MRPL30: variants seen among roughly 807,000 people sequenced by gnomAD.
MRPL30 encodes the protein mitochondrial ribosomal protein L30, also known as large ribosomal subunit protein uL30m.
A neutral mutation model predicts 17.2 loss-of-function variants in MRPL30; 10 were observed. The observed-to-expected ratio is 0.58, with a 90% CI of 0.36 to 0.99. MRPL30 has a LOEUF of 0.99. Among genes scored for constraint, MRPL30 ranks in the 50% least tolerant of loss-of-function variants. MRPL30 has a pLI of 0.01. For missense variants in MRPL30, 170 were observed against 189.8 expected (o/e 0.90, Z 0.61); for synonymous variants, 61 against 62.1 (o/e 0.98, Z 0.08).
rs186646867 is a variant in MRPL30 at position 99,190,178 on chromosome 2, G to T, written c.132+1921G>T. Among the ~76,000 whole-genome samples the T allele has an allele frequency of 2.2e-3, 339 of 152,134 alleles. 2 individuals are homozygous for T. The highest frequency in any genetic ancestry group is 3.7e-3 in the Non-Finnish European group (252 of 68,010). On this transcript the variant is annotated intron_variant, in intron 3 of 5. Transcript: ENST00000338148. ...TTTTCCCCTCTCCCTAGCTTCTGGT[G>T]ACTACCATTCTCCATTGATTTTCTT...
Position 99,194,880 on chromosome 2 carries a change from A to G in MRPL30, c.262A>G (p.Met88Val), listed in dbSNP as rs1352886655. The G allele has an allele frequency of 3.2e-6, 5 of 1,571,516 alleles. No individual in the cohort carries two copies. The highest frequency in any genetic ancestry group is 4.5e-5 in the East Asian group (2 of 44,230). ...ATATTGGGAAAAAGATATAATAAAG[A>G]TGCTTGGATTAGAAAAAGTATGCAA... The part of the protein sequence containing the change: ...RPYWEKDIIK[M>V]LGLEKAHTPQ... Residue 88 changes from methionine (M) to valine (V), a missense_variant, in exon 4 of 6, where the codon ATG becomes GTG. Coordinates refer to ENST00000338148, the MANE Select transcript of MRPL30 (RefSeq NM_145212.4).
intron 1 of MRPL30, among the ~76,000 whole-genome samples, chr2:99,184,880 A>G (rs1426041841): frequency 6.6e-6 from 1 of 152,218 alleles, no homozygotes; most frequent in Non-Finnish European, 1.5e-5. Context: ...GACTTGCAGA[A>G]CTTGAATGAG....
Position 99,183,668 on chromosome 2 carries a change from A to G in MRPL30, c.-28+2419A>G, listed in dbSNP as rs2093929523. On this transcript the variant is annotated intron_variant, in intron 1 of 5. Transcript: ENST00000338148. ...AAACTTTATTTTTGAATAGTTTTAG[A>G]TTTTCAAAGAAGTTGTGAAGATGGT... Among the ~76,000 whole-genome samples, 3 of 152,218 alleles carry G rather than the reference A, an allele frequency of 2.0e-5. 1 individual carries two copies. In the South Asian group the frequency reaches 6.2e-4, roughly 32 times the overall value.
intron 1 of MRPL30, 36 bp downstream of exon 1, chr2:99,181,285 C>G (rs1007703560): frequency 8.9e-6 from 3 of 338,144 alleles, no homozygotes; most frequent in Non-Finnish European, 1.7e-5. Flanking sequence ...GTGCGGCATT[C>G]TTCGCAAGGT....
chr2:99,186,367 C>T, intron 2 of MRPL30, 113 bp downstream of exon 2: 1 of 945,962 alleles, frequency 1.1e-6, no homozygotes, highest in Admixed American at 2.4e-5. Context: ...AAGTCTCTCT[C>T]TGTCACCCAG....
At chr2:99,186,521 C>T (rs1008485871) in intron 2 of MRPL30, among the ~76,000 whole-genome samples, 5 of 151,836 alleles carry the variant, frequency 3.3e-5, no homozygotes, top group African/African-American at 9.7e-5. Context: ...TTCATATAGT[C>T]GGGGGTTTCA....
At position 99,186,654 on chromosome 2, in the gene MRPL30, T is replaced by G. The variant is rs138432145; in HGVS notation, c.51+400T>G. ...TTTAGATATTGAGAGTTAATCTTGT[T>G]TATGTATGGTTTTTCTGCTGTTTTA... On this transcript the variant is annotated intron_variant, in intron 2 of 5. Transcript: ENST00000338148. 7.1e-3 allele frequency among the ~76,000 whole-genome samples: 1,075 copies of G among 152,274 alleles called. 8 individuals carry two copies. Among genetic ancestry groups the G allele is most frequent in the African/African-American group, 0.024 (980 of 41,560 alleles).
At chr2:99,194,313 G>A (rs1217882228) in intron 3 of MRPL30, among the ~76,000 whole-genome samples, 3 of 152,018 alleles carry the variant, frequency 2.0e-5, no homozygotes, top group South Asian at 2.1e-4. Context: ...GTTTCTGATC[G>A]CTCATAGGCA....
intron 2 of MRPL30, chr2:99,187,104 C>T (rs1294162147): frequency 6.6e-6 from 1 of 152,210 alleles, no homozygotes; most frequent in African/African-American, 2.4e-5. Flanking sequence ...AGGAAACTGA[C>T]CCTCTGAGAG....
chr2:99,195,877 T>C lies in MRPL30; in HGVS notation c.*172T>C. On this transcript the variant is annotated 3_prime_UTR_variant, in exon 6 of 6. Transcript: ENST00000338148. ...CGGGCAGATCACCTGAGGTCAAGAG[T>C]TCGAGACCAGCCTGACCAACATGGA... 1.3e-6 allele frequency: 1 copy of C among 777,574 alleles called. No individual in the cohort carries two copies. The allele number at this position is 777,574 out of a possible 1,614,324, so 48.2% of individuals were successfully genotyped here.
In MRPL30 at chr2:99,198,911, G is replaced by A. The variant is rs2093959180; in HGVS notation, c.*3206G>A. On this transcript the variant is annotated 3_prime_UTR_variant, in exon 6 of 6. Transcript: ENST00000338148. ...CTTAGGGTCTCCTCAATCTAAAATT[G>A]TACCTCTTTCAGGCCAAACACCTAT... 6.6e-6 allele frequency among the ~76,000 whole-genome samples: 1 copy of A among 151,852 alleles called. No homozygotes were observed. Among genetic ancestry groups the A allele is most frequent in the African/African-American group, 2.4e-5 (1 of 41,312 alleles).
intron 3 of MRPL30, among the ~76,000 whole-genome samples, chr2:99,193,491 A>G (rs1377533477): frequency 6.6e-6 from 1 of 152,060 alleles, no homozygotes; most frequent in South Asian, 2.1e-4. Flanking sequence ...TCTTGATCTA[A>G]TGTCTTTGAG....
At chr2:99,183,852 A>G (rs558756890) in intron 1 of MRPL30, among the ~76,000 whole-genome samples, 7 of 152,304 alleles carry the variant, frequency 4.6e-5, no homozygotes, top group Admixed American at 1.3e-4. Flanking sequence ...GATCCCATCC[A>G]GGATACCACA....
At chr2:99,191,229 T>A (rs200649160) in intron 3 of MRPL30, among the ~76,000 whole-genome samples, 3 of 151,990 alleles carry the variant, frequency 2.0e-5, no homozygotes, top group East Asian at 3.9e-4. Flanking sequence ...ATGGTCTTGA[T>A]CTCCTGACCT....
chr2:99,187,797 C>T (rs1213169819), intron 2 of MRPL30, among the ~76,000 whole-genome samples: 1 of 151,340 alleles, frequency 6.6e-6, no homozygotes, highest in Non-Finnish European at 1.5e-5. Context: ...CAGTGCAGTC[C>T]AGCCTGGGTG....
rs1445697236 is a variant in MRPL30, at chr2:99,196,698, C to T, written c.*993C>T. 1 of 152,178 alleles carries T rather than the reference C, an allele frequency of 6.6e-6. No homozygotes were observed. The highest frequency in any genetic ancestry group is 1.9e-4 in the East Asian group (1 of 5,204). The allele number at this position is 152,178 out of a possible 1,614,324, so 9.4% of individuals were successfully genotyped here. A position where few individuals can be genotyped will look rare whatever the true frequency, so the allele number is the denominator to read the frequency against. On this transcript the variant is annotated 3_prime_UTR_variant, in exon 6 of 6. Transcript: ENST00000338148. ...AGGTGTTGGAGAAATCCAAAGCTGA[C>T]CAAAACATGGTCCCCACCTTTTGGA...
chr2:99,188,642 T>G (rs2093938490), intron 3 of MRPL30, among the ~76,000 whole-genome samples: 1 of 152,228 alleles, frequency 6.6e-6, no homozygotes. Context: ...CTTTTTCTAT[T>G]TCATTTCTGT....
In MRPL30 at chr2:99,195,858, G is replaced by T. The variant is rs867788205; in HGVS notation, c.*153G>T. The T allele has an allele frequency of 3.4e-5, 36 of 1,045,782 alleles. 1 individual carries two copies. The East Asian group carries it at 5.4e-4, about 16-fold the overall frequency. 64.8% of individuals were successfully genotyped at this position (1,045,782 alleles called of 1,614,324 possible). On this transcript the variant is annotated 3_prime_UTR_variant, in exon 6 of 6. Coordinates refer to ENST00000338148, the MANE Select transcript of MRPL30 (RefSeq NM_145212.4). ...GCACTTTGGGAGGCCAAGGCGGGCA[G>T]ATCACCTGAGGTCAAGAGTTCGAGA... is the stretch of plus-strand genomic sequence containing the variant.
At chr2:99,188,487 C>G (rs1024702855) in intron 3 of MRPL30, among the ~76,000 whole-genome samples, 7 of 152,076 alleles carry the variant, frequency 4.6e-5, no homozygotes, top group African/African-American at 1.7e-4. Context: ...TTATTTCAGT[C>G]TACTTATTCC....
Sources: gnomAD v4.1 joint callset for allele counts (sites outside exome capture counted in the v4.1 genomes callset) on GRCh38, gnomAD v4.1.1 for gene constraint, MANE v1.5 for transcripts, NCBI Gene and HGNC (gene_info 2026-07-23, HGNC 2026-07-21) for gene names.